The following DNAH8 variants were observed in gnomAD, a reference collection of about 807,000 sequenced individuals.
DNAH8 encodes axonemal beta dynein heavy chain 8.
DNAH8 carries 382 observed loss-of-function variants against 562.1 expected under a neutral mutation model. That is an observed-to-expected ratio of 0.68 (90% CI 0.63 to 0.74). The LOEUF is 0.74. Ranked by LOEUF, DNAH8 falls within the 30% of genes least tolerant of loss-of-function variation. DNAH8 has a pLI of 0.00. For missense variants in DNAH8, 5,203 were observed against 5,620.4 expected (o/e 0.93, Z 2.37); for synonymous variants, 1,881 against 1,919.4 (o/e 0.98, Z 0.52).
chr6:38,815,022 G>A (rs909832191), intron 25 of DNAH8, among the ~76,000 whole-genome samples: 4 of 152,108 alleles, frequency 2.6e-5, no homozygotes, highest in Admixed American at 2.6e-4. Context: ...CCTCCTGAAG[G>A]ATACCTTCTT....
chr6:38,892,825 A>G (rs554039004), intron 58 of DNAH8, among the ~76,000 whole-genome samples: 1 of 152,294 alleles, frequency 6.6e-6, no homozygotes, highest in East Asian at 1.9e-4. Flanking sequence ...AACCTGCTCC[A>G]GCCGATGGCC....
At chr6:38,751,304 C>T (rs1765429656) in intron 9 of DNAH8, among the ~76,000 whole-genome samples, 1 of 152,166 alleles carries the variant, frequency 6.6e-6, no homozygotes, top group African/African-American at 2.4e-5. Context: ...GAGAGAACAC[C>T]CAAGTTGGAA....
chr6:38,834,056 C>T (rs1774077799), intron 31 of DNAH8, among the ~76,000 whole-genome samples: 1 of 152,168 alleles, frequency 6.6e-6, no homozygotes, highest in South Asian at 2.1e-4. Flanking sequence ...CTGCTTTCTG[C>T]TTCTTCCAAA....
At chr6:39,026,225 G>T (rs1415057087) in intron 91 of DNAH8, among the ~76,000 whole-genome samples, 1 of 152,164 alleles carries the variant, frequency 6.6e-6, no homozygotes, top group Non-Finnish European at 1.5e-5. Flanking sequence ...TTCAAATAGA[G>T]ACTGTGAGCT....
intron 82 of DNAH8, 78 bp downstream of exon 82, chr6:38,951,598 A>G: frequency 8.1e-7 from 1 of 1,240,002 alleles, no homozygotes. Flanking sequence ...TAATTTTATA[A>G]CTGATTCTTA....
chr6:38,908,227 C>A (rs550156996), intron 64 of DNAH8, 107 bp downstream of exon 64: 102 of 623,208 alleles, frequency 1.6e-4, no homozygotes, highest in Non-Finnish European at 1.2e-5. Flanking sequence ...AATATTTTTA[C>A]ATTGAATTAA....
At chr6:38,850,757 G>A (rs1343791032) in intron 38 of DNAH8, among the ~76,000 whole-genome samples, 1 of 152,142 alleles carries the variant, frequency 6.6e-6, no homozygotes. Context: ...TGCCTCTTTT[G>A]GCTTCTGGTG....
In DNAH8 at chr6:38,723,384, T is replaced by G. The variant is rs1163700201; in HGVS notation, c.438T>G (p.Pro146=). 2 of 1,612,372 alleles carry G rather than the reference T, an allele frequency of 1.2e-6. No homozygotes were observed. The highest frequency in any genetic ancestry group is 1.7e-5 in the Admixed American group (1 of 59,952). Residue 146 remains proline (P), a synonymous_variant, in exon 3 of 93, where the codon CCT becomes CCG. Coordinates refer to ENST00000327475, the MANE Select transcript of DNAH8 (RefSeq NM_001206927.2). ...ARESRRLKID[P]SYKYIFEILA... is the part of the protein sequence containing the mutation. ...AAAGCCGAAGACTGAAAATTGACCC[T>G]TCATACAAATATATATTTGAAATTC...
At position 38,857,519 on chromosome 6, in the gene DNAH8, T is replaced by C. The variant is rs746333530; in HGVS notation, c.5735T>C (p.Val1912Ala). Residue 1912 changes from valine to alanine, a missense_variant and splice_region_variant, in exon 42 of 93, where the codon GTT (valine) becomes GCT (alanine). By Grantham distance (64) the Val-to-Ala change is moderately conservative. Transcript: ENST00000327475. ...LPFLSHFPAQVGLLGIQMLWT... is the reference protein window; with the variant it reads ...LPFLSHFPAQAGLLGIQMLWT... Reference sequence around the variant, plus strand: ...AATATTTTTCTGCTGGATCTGTAGGTTGGACTTCTGGGAATTCAGATGTTG... The same window carrying C: ...AATATTTTTCTGCTGGATCTGTAGGCTGGACTTCTGGGAATTCAGATGTTG... 6.2e-7 allele frequency: 1 copy of C among 1,604,052 alleles called. No individual in the cohort carries two copies. The highest frequency in any genetic ancestry group is 8.5e-7 in the Non-Finnish European group (1 of 1,173,324).
chr6:38,866,756 T>C lies in DNAH8; in HGVS notation c.6586-13T>C, dbSNP rs1210122243. On this transcript the variant is annotated splice_polypyrimidine_tract_variant and intron_variant, in intron 46 of 92. Coordinates refer to ENST00000327475, the MANE Select transcript of DNAH8 (RefSeq NM_001206927.2). ...CACTAAAGTTGAAAAAAACTCACTA[T>C]ATTAATTTTCAGATCATTATGAGAG... 6.2e-7 allele frequency: 1 copy of C among 1,603,330 alleles called. No homozygotes were observed. Among genetic ancestry groups the C allele is most frequent in the Non-Finnish European group, 8.5e-7 (1 of 1,172,416 alleles).
At chr6:38,965,431 G>A (rs1434262176) in intron 82 of DNAH8, among the ~76,000 whole-genome samples, 1 of 152,112 alleles carries the variant, frequency 6.6e-6, no homozygotes, top group Non-Finnish European at 1.5e-5. Context: ...AAGATCTCTA[G>A]GGAGGAATAT....
chr6:38,791,406 T>C, intron 20 of DNAH8, 149 bp from the exon 21 acceptor site: 3 of 1,007,530 alleles, frequency 3.0e-6, no homozygotes, highest in Non-Finnish European at 2.8e-6. Flanking sequence ...GATGTCCTCC[T>C]AAAATGTTCA....
chr6:38,873,553 G>A (rs1276401475), intron 52 of DNAH8, among the ~76,000 whole-genome samples, 177 bp downstream of exon 52: 1 of 151,986 alleles, frequency 6.6e-6, no homozygotes, highest in Non-Finnish European at 1.5e-5. Flanking sequence ...TGATCTTACT[G>A]TTTTCTCTAT....
intron 23 of DNAH8, among the ~76,000 whole-genome samples, chr6:38,806,240 A>G (rs1054324878): frequency 1.1e-4 from 17 of 151,834 alleles, no homozygotes; most frequent in Non-Finnish European, 1.8e-4. Context: ...CTTCATACCC[A>G]CCTTCTTTTC....
intron 66 of DNAH8, 100 bp from the exon 67 acceptor site, chr6:38,913,749 T>G (rs1781082810): frequency 1.4e-6 from 1 of 700,270 alleles, no homozygotes; most frequent in African/African-American, 1.8e-5. Context: ...GTTTGTTATA[T>G]TACATGTACA....
At chr6:38,759,480 G>A (rs973724859) in intron 10 of DNAH8, among the ~76,000 whole-genome samples, 5 of 152,060 alleles carry the variant, frequency 3.3e-5, no homozygotes, top group African/African-American at 4.8e-5. Flanking sequence ...TCCTAAATAC[G>A]ACAAGACTCT....
At chr6:38,841,423 A>G (rs1774778592) in intron 33 of DNAH8, among the ~76,000 whole-genome samples, 1 of 152,204 alleles carries the variant, frequency 6.6e-6, no homozygotes, top group Non-Finnish European at 1.5e-5. Context: ...TCTCTCAAAA[A>G]TAAAATAAAA....
intron 47 of DNAH8, 110 bp from the exon 48 acceptor site, chr6:38,867,952 A>C (rs1194268251): frequency 4.3e-6 from 5 of 1,149,854 alleles, no homozygotes; most frequent in Non-Finnish European, 4.9e-6. Flanking sequence ...TAGTCACCCC[A>C]AAACTATCCC....
At chr6:38,932,856 C>T (rs887659160) in intron 76 of DNAH8, 1 of 152,262 alleles carries the variant, frequency 6.6e-6, no homozygotes, top group Non-Finnish European at 1.5e-5. Context: ...GAAGTAGACT[C>T]AGTGAAAGGC....
Sources: allele counts gnomAD v4.1 joint callset (sites outside exome capture counted in the v4.1 genomes callset), GRCh38; gene constraint gnomAD v4.1.1; transcripts MANE v1.5; gene names NCBI Gene and HGNC (gene_info 2026-07-23, HGNC 2026-07-21).